Variants in TMPRSS7 observed in about 807,000 individuals in gnomAD.
The protein encoded by TMPRSS7 is transmembrane serine protease 7.
In TMPRSS7, 81 loss-of-function variants were observed where a neutral mutation model predicts 95.6. The observed-to-expected ratio is 0.85, with a 90% CI of 0.71 to 1.02. The LOEUF is 1.02. Among genes scored for constraint, TMPRSS7 ranks in the 50% least tolerant of loss-of-function variants. TMPRSS7 has a pLI of 0.00. For missense variants in TMPRSS7, 945 were observed against 955.2 expected, an observed-to-expected ratio of 0.99 and a Z score of 0.14; for synonymous variants, 364 against 337.8, an observed-to-expected ratio of 1.08 and a Z score of -0.85.
chr3:112,071,626 T>C (rs2073647464), intron 13 of TMPRSS7, among the ~76,000 whole-genome samples: 1 of 152,242 alleles, frequency 6.6e-6, no homozygotes, highest in Non-Finnish European at 1.5e-5. Flanking sequence ...CGCATATTTC[T>C]TGGAGACCTT....
chr3:112,060,071 T>A (rs910934638), intron 10 of TMPRSS7, among the ~76,000 whole-genome samples: 5 of 152,154 alleles, frequency 3.3e-5, no homozygotes, highest in Non-Finnish European at 5.9e-5. Flanking sequence ...CATCACATGT[T>A]GGTAGATTCC....
intron 11 of TMPRSS7, 52 bp from the exon 12 acceptor site, chr3:112,063,473 T>G: frequency 7.0e-7 from 1 of 1,422,760 alleles, no homozygotes; most frequent in Non-Finnish European, 9.9e-7. Context: ...GGTCTAGTGA[T>G]TTCAGGGATC....
In TMPRSS7 at chr3:112,044,326, A is replaced by T. The variant is rs957630049; in HGVS notation, c.497+4A>T. 6.5e-7 allele frequency: 1 copy of T among 1,550,064 alleles called. No homozygotes were observed. Among genetic ancestry groups the T allele is most frequent in the African/African-American group, 1.4e-5 (1 of 73,006 alleles). On this transcript the variant is annotated splice_donor_region_variant and intron_variant, in intron 4 of 17. Coordinates refer to ENST00000452346, the Ensembl canonical transcript of TMPRSS7. Reference sequence around the variant, plus strand: ...AGTCTGTTGTTGCAGATGTCAGGTAATGCATGTCCCTTGTTTTGAGATTTC... The same window carrying T: ...AGTCTGTTGTTGCAGATGTCAGGTATTGCATGTCCCTTGTTTTGAGATTTC...
rs144418101 is a variant in TMPRSS7 at position 112,068,027 on chromosome 3, C to A, written c.1666+1525C>A. 5.0e-4 allele frequency among the ~76,000 whole-genome samples: 76 copies of A among 152,306 alleles called. No individual in the cohort carries two copies. In the East Asian group the frequency reaches 0.014, roughly 29 times the overall value. ...TTTGTATAAGGTGTAAGGAAGGGAT[C>A]CACTTTCAGCTTTCTGCATAGCCAG... On this transcript the variant is annotated intron_variant, in intron 13 of 17. Transcript: ENST00000452346.
rs576605425 is a variant in TMPRSS7, at chr3:112,056,027, A to C, written c.1204-998A>C. Among the ~76,000 whole-genome samples, 428 of 152,326 alleles carry C rather than the reference A, an allele frequency of 2.8e-3. 2 individuals are homozygous for C. Among genetic ancestry groups the C allele is most frequent in the Non-Finnish European group, 4.2e-3 (289 of 68,030 alleles). On this transcript the variant is annotated intron_variant, in intron 9 of 17. Transcript: ENST00000452346. ...GGCAATGTGGTGAAACCCTGTCTCTATAAAAATTATTTTACAAAAAAAGTA... is the reference window on the plus strand; with the variant it reads ...GGCAATGTGGTGAAACCCTGTCTCTCTAAAAATTATTTTACAAAAAAAGTA...
At chr3:112,046,047 C>T in intron 5 of TMPRSS7, 104 bp downstream of exon 5, 4 of 979,616 alleles carry the variant, frequency 4.1e-6, no homozygotes, top group Non-Finnish European at 6.0e-6. Context: ...TGTGGGATTA[C>T]CCCACAATCC....
chr3:112,038,610 ACAGG>A lies in TMPRSS7; in HGVS notation c.298+290_298+293del, dbSNP rs570643216. The stretch of plus-strand genomic sequence containing the variant: ...CTCAGCCTCCCGAGTAGCTGAGACC[ACAGG>A]TCTATGCCAGCACACCTGGGCTAAC... On this transcript the variant is annotated intron_variant, in intron 2 of 17. Coordinates refer to ENST00000452346, the Ensembl canonical transcript of TMPRSS7. Among the ~76,000 whole-genome samples, 208 of 151,240 alleles carry A rather than the reference ACAGG, an allele frequency of 1.4e-3. 2 individuals are homozygous for A. Among genetic ancestry groups the A allele is most frequent in the African/African-American group, 4.8e-3 (200 of 41,496 alleles).
intron 10 of TMPRSS7, among the ~76,000 whole-genome samples, chr3:112,057,425 A>T (rs752609999): frequency 6.6e-6 from 1 of 152,178 alleles, no homozygotes; most frequent in African/African-American, 2.4e-5. Context: ...TCCTGGATCC[A>T]TGGGGGAATA....
At chr3:112,035,599 A>G (rs1576092156) in intron 1 of TMPRSS7, among the ~76,000 whole-genome samples, 1 of 152,300 alleles carries the variant, frequency 6.6e-6, no homozygotes, top group East Asian at 1.9e-4. Context: ...TGCAAAAGAG[A>G]GATTATTTCT....
chr3:112,059,076 G>A (rs2073469062), intron 10 of TMPRSS7, among the ~76,000 whole-genome samples: 1 of 152,214 alleles, frequency 6.6e-6, no homozygotes. Context: ...ACTGGAAGAA[G>A]CCTAATGATC....
At chr3:112,080,460 G>A (rs565505917) in intron 17 of TMPRSS7, among the ~76,000 whole-genome samples, 11 of 152,164 alleles carry the variant, frequency 7.2e-5, no homozygotes, top group Admixed American at 2.0e-4. Context: ...TCATAAGGTT[G>A]TTGTGAGGAT....
intron 4 of TMPRSS7, 60 bp downstream of exon 4, chr3:112,044,382 C>A: frequency 7.2e-7 from 1 of 1,396,892 alleles, no homozygotes; most frequent in South Asian, 1.2e-5. Flanking sequence ...CCATTCAAGG[C>A]TATGAAAAGG....
chr3:112,057,200 T>C, intron 10 of TMPRSS7, 69 bp downstream of exon 10: 2 of 1,171,086 alleles, frequency 1.7e-6, no homozygotes. Flanking sequence ...GTGTTCCTTG[T>C]CCTCAAAGAG....
At chr3:112,047,461 A>G (rs1576101389) in intron 6 of TMPRSS7, 1 of 595,624 alleles carries the variant, frequency 1.7e-6, no homozygotes, top group Admixed American at 2.1e-5. Flanking sequence ...CTATTCTTGA[A>G]ATGACTTCTT....
At chr3:112,052,735 C>T in intron 9 of TMPRSS7, among the ~76,000 whole-genome samples, 1 of 152,180 alleles carries the variant, frequency 6.6e-6, no homozygotes, top group East Asian at 1.9e-4. Context: ...CAGAAAAAGA[C>T]AGTGCCATTC....
Position 112,078,909 on chromosome 3 carries a change from ATGT to A in TMPRSS7, c.2361+35_2361+37del, listed in dbSNP as rs765138558. The A allele has an allele frequency of 7.3e-5, 118 of 1,607,142 alleles. 2 individuals carry two copies. Among genetic ancestry groups the A allele is most frequent in the South Asian group, 6.6e-4 (60 of 90,876 alleles). ...TCATTGTACCTTTCCCTTGCCTAAC[ATGT>A]TGTGCTTTCCATAAATGCTTTCTCA... On this transcript the variant is annotated intron_variant, in intron 17 of 17. Transcript: ENST00000452346.
chr3:112,045,539 T>C (rs1266128970), intron 4 of TMPRSS7, among the ~76,000 whole-genome samples: 2 of 152,238 alleles, frequency 1.3e-5, no homozygotes, highest in African/African-American at 2.4e-5. Flanking sequence ...GTAATGGTTT[T>C]AGATTAGAAT....
chr3:112,070,914 G>T (rs2073637949), intron 13 of TMPRSS7, among the ~76,000 whole-genome samples: 1 of 152,216 alleles, frequency 6.6e-6, no homozygotes, highest in Non-Finnish European at 1.5e-5. Flanking sequence ...GCCAGTCTGT[G>T]TCTTTTAACT....
chr3:112,061,454 A>G (rs1040775321), intron 10 of TMPRSS7, among the ~76,000 whole-genome samples: 5 of 152,224 alleles, frequency 3.3e-5, no homozygotes, highest in African/African-American at 1.2e-4. Context: ...TGACAAAAGC[A>G]GGCAATTCTT....
Sources: gnomAD v4.1 joint callset for allele counts (sites outside exome capture counted in the v4.1 genomes callset) on GRCh38, gnomAD v4.1.1 for gene constraint, MANE v1.5 for transcripts, NCBI Gene and HGNC (gene_info 2026-07-23, HGNC 2026-07-21) for gene names.